Variants in COL4A6 observed in about 807,000 individuals in gnomAD.
COL4A6 encodes collagen alpha-6(IV) chain.
COL4A6 carries 59 observed loss-of-function variants against 126.7 expected under a neutral mutation model. That is an observed-to-expected ratio of 0.47 (90% confidence interval 0.38 to 0.58). The LOEUF is 0.58. COL4A6 is among the 20% of genes least tolerant of loss of function. The pLI, the probability that COL4A6 is intolerant of heterozygous loss-of-function variation, is 0.00. For synonymous variants in COL4A6, 547 were observed against 496.6 expected, an observed-to-expected ratio of 1.10 and a Z score of -1.35; for missense variants, 1,285 against 1,337.3, an observed-to-expected ratio of 0.96 and a Z score of 0.61.
intron 3 of COL4A6, among the ~76,000 whole-genome samples, chrX:108,281,802 A>T (rs2037840203): frequency 9.0e-6 from 1 of 110,664 alleles, no homozygotes; most frequent in Admixed American, 9.6e-5. Flanking sequence ...ACAGAGATAT[A>T]GATCAATGGA....
At chrX:108,375,044 T>G (rs187652368) in intron 2 of COL4A6, among the ~76,000 whole-genome samples, 273 of 112,223 alleles carry the variant, frequency 2.4e-3, no homozygotes, top group Non-Finnish European at 4.7e-3. Context: ...AACATCCATC[T>G]AAGCTAGCTC....
chrX:108,371,725 C>T (rs760074699), intron 2 of COL4A6, among the ~76,000 whole-genome samples: 2 of 108,585 alleles, frequency 1.8e-5, no homozygotes, highest in South Asian at 8.1e-4. Context: ...CCACTGCACT[C>T]CAGCTTGGGT....
intron 2 of COL4A6, among the ~76,000 whole-genome samples, chrX:108,327,046 A>C (rs1739121531): frequency 9.0e-6 from 1 of 111,184 alleles, no homozygotes; most frequent in African/African-American, 3.3e-5. Context: ...CACATATCTC[A>C]GGGGTCTCCA....
At chrX:108,351,755 GATAA>G (rs1293637314) in intron 2 of COL4A6, among the ~76,000 whole-genome samples, 1 of 107,846 alleles carries the variant, frequency 9.3e-6, no homozygotes, top group Non-Finnish European at 1.9e-5. Context: ...TTCAGCTGGG[GATAA>G]ATAGTGATTT....
At chrX:108,418,517 A>G (rs1394442276) in intron 2 of COL4A6, among the ~76,000 whole-genome samples, 1 of 112,007 alleles carries the variant, frequency 8.9e-6, no homozygotes, top group Non-Finnish European at 1.9e-5. Flanking sequence ...TCAACCTGAT[A>G]GCTACATAAC....
intron 7 of COL4A6, among the ~76,000 whole-genome samples, chrX:108,210,912 A>G (rs977146047): frequency 2.7e-5 from 3 of 111,551 alleles, no homozygotes; most frequent in African/African-American, 9.8e-5. Context: ...GTGATTTCCA[A>G]TGTTCCAGGC....
chrX:108,388,584 C>T (rs563530287), intron 2 of COL4A6, among the ~76,000 whole-genome samples: 6 of 110,752 alleles, frequency 5.4e-5, no homozygotes, highest in East Asian at 2.8e-4. Context: ...TTTTTTATTG[C>T]GTCTATTTGA....
At chrX:108,377,557 T>C (rs1265881730) in intron 2 of COL4A6, among the ~76,000 whole-genome samples, 1 of 88,630 alleles carries the variant, frequency 1.1e-5, no homozygotes, top group Non-Finnish European at 2.1e-5. Context: ...AAAAAATTTC[T>C]TTTTTTTTTT....
At chrX:108,206,371 TG>T in intron 9 of COL4A6, 146 bp downstream of exon 9, 1 of 596,545 alleles carries the variant, frequency 1.7e-6, no homozygotes, top group East Asian at 3.3e-5. Flanking sequence ...CGCAAGAGCA[TG>T]CTTTACTTTA....
At chrX:108,287,301 TC>T (rs901293856) in intron 3 of COL4A6, among the ~76,000 whole-genome samples, 1 of 112,202 alleles carries the variant, frequency 8.9e-6, no homozygotes, top group Non-Finnish European at 1.9e-5. Context: ...GAGTCCTATT[TC>T]CCTGCTCTTT....
chrX:108,351,085 T>C lies in COL4A6; in HGVS notation c.64-40257A>G, dbSNP rs1439008167. 2.7e-5 allele frequency among the ~76,000 whole-genome samples: 3 copies of C among 111,442 alleles called. No homozygotes were observed. In the Admixed American group the frequency reaches 2.9e-4, roughly 11 times the overall value. On this transcript the variant is annotated intron_variant, in intron 2 of 44. Transcript: ENST00000334504. ...GCTGCAGCCAAGCTTAGCCTCGGGGTCCCAATCATCTCTCAGGTGCACATC... is the reference window on the plus strand; with the variant it reads ...GCTGCAGCCAAGCTTAGCCTCGGGGCCCCAATCATCTCTCAGGTGCACATC...
At chrX:108,379,824 A>G (rs1013093476) in intron 2 of COL4A6, among the ~76,000 whole-genome samples, 2 of 110,017 alleles carry the variant, frequency 1.8e-5, no homozygotes, top group African/African-American at 6.6e-5. Context: ...ATATTTTTAA[A>G]AAGCTCTCAA....
At chrX:108,317,681 G>A (rs1042720945) in intron 2 of COL4A6, among the ~76,000 whole-genome samples, 4 of 111,284 alleles carry the variant, frequency 3.6e-5, no homozygotes, top group African/African-American at 1.3e-4. Flanking sequence ...TTATTAAATA[G>A]GGAATCCTTT....
chrX:108,251,588 T>G (rs1386371054), intron 3 of COL4A6, among the ~76,000 whole-genome samples: 1 of 112,205 alleles, frequency 8.9e-6, no homozygotes, highest in Non-Finnish European at 1.9e-5. Context: ...AAATATTTAT[T>G]ATACATTTAC....
intron 2 of COL4A6, among the ~76,000 whole-genome samples, chrX:108,378,302 G>A (rs868642069): frequency 1.1e-4 from 12 of 111,254 alleles, no homozygotes; most frequent in African/African-American, 3.6e-4. Context: ...CACACTATAA[G>A]ACTTTTCAGA....
At chrX:108,411,854 A>G (rs1453850542) in intron 2 of COL4A6, among the ~76,000 whole-genome samples, 1 of 111,058 alleles carries the variant, frequency 9.0e-6, no homozygotes, top group Non-Finnish European at 1.9e-5. Flanking sequence ...CTTTAGTTTC[A>G]TATTTTTTTC....
intron 2 of COL4A6, among the ~76,000 whole-genome samples, chrX:108,408,109 A>G (rs2041242664): frequency 9.0e-6 from 1 of 111,117 alleles, no homozygotes; most frequent in African/African-American, 3.3e-5. Context: ...CCAGGAGTTC[A>G]AGACCAGCCT....
At chrX:108,178,376 A>G (rs1312721250) in intron 27 of COL4A6, among the ~76,000 whole-genome samples, 1 of 112,170 alleles carries the variant, frequency 8.9e-6, no homozygotes, top group African/African-American at 3.2e-5. Flanking sequence ...GACTCCCTCA[A>G]CGATGAGGGT....
At chrX:108,413,059 T>C (rs2041362149) in intron 2 of COL4A6, among the ~76,000 whole-genome samples, 1 of 112,147 alleles carries the variant, frequency 8.9e-6, no homozygotes, top group Admixed American at 9.5e-5. Context: ...GAGTAGGTTA[T>C]AGACCCTTAA....
Sources: allele counts gnomAD v4.1 joint callset (sites outside exome capture counted in the v4.1 genomes callset), GRCh38; gene constraint gnomAD v4.1.1; transcripts MANE v1.5; gene names NCBI Gene and HGNC (gene_info 2026-07-23, HGNC 2026-07-21).